The following SLC1A3 variants were observed in gnomAD, a reference collection of about 807,000 sequenced individuals.
SLC1A3 encodes excitatory amino acid transporter 1.
In SLC1A3, 21 loss-of-function variants were observed where a neutral mutation model predicts 48.1. The observed-to-expected ratio is 0.44, with a 90% CI of 0.31 to 0.63. SLC1A3 has a LOEUF of 0.63. Ranked by LOEUF, SLC1A3 falls within the 20% of genes least tolerant of loss-of-function variation. SLC1A3 has a pLI of 0.08. For synonymous variants in SLC1A3, 239 were observed against 251.4 expected (o/e 0.95, Z 0.47); for missense variants, 546 against 689.0 (o/e 0.79, Z 2.32).
chr5:36,644,014 AAAATAAATAAAT>A (rs57649957), intron 3 of SLC1A3, among the ~76,000 whole-genome samples: 30,046 of 101,462 alleles, frequency 0.3, 3,754 homozygotes, highest in Non-Finnish European at 0.44. Flanking sequence ...TCCGTCTCAA[AAAATAAATAAAT>A]AAATAAATAA....
chr5:36,670,903 T>C lies in SLC1A3; in HGVS notation c.320-126T>C, dbSNP rs962686. The C allele has an allele frequency of 0.049, 40,956 of 835,948 alleles. 1,293 individuals are homozygous for C. Among genetic ancestry groups the C allele is most frequent in the Middle Eastern group, 0.075 (235 of 3,126 alleles). The allele number at this position is 835,948 out of a possible 1,614,324, so 51.8% of individuals were successfully genotyped here. A position where few individuals can be genotyped will look rare whatever the true frequency, so the allele number is the denominator to read the frequency against. ...GATTTGGGGCCAGGTTCTCACAACATGTACGAAATCCCATGGCTGGGTGGG... is the reference window on the plus strand; with the variant it reads ...GATTTGGGGCCAGGTTCTCACAACACGTACGAAATCCCATGGCTGGGTGGG... On this transcript the variant is annotated intron_variant, in intron 3 of 9. Coordinates refer to ENST00000265113, the MANE Select transcript of SLC1A3 (RefSeq NM_004172.5).
At chr5:36,675,630 T>G (rs892899017) in intron 5 of SLC1A3, among the ~76,000 whole-genome samples, 1 of 152,188 alleles carries the variant, frequency 6.6e-6, no homozygotes, top group African/African-American at 2.4e-5. Flanking sequence ...TGATCAGGAT[T>G]GAAAATCTGC....
At chr5:36,629,344 A>G (rs932060096) in intron 2 of SLC1A3, 106 bp from the exon 3 acceptor site, 16 of 993,784 alleles carry the variant, frequency 1.6e-5, no homozygotes, top group Non-Finnish European at 1.4e-5. Flanking sequence ...TGCTGCTTAA[A>G]TAAATACAAC....
chr5:36,653,907 G>A (rs976072888), intron 3 of SLC1A3, among the ~76,000 whole-genome samples: 13 of 152,316 alleles, frequency 8.5e-5, no homozygotes, highest in African/African-American at 2.4e-4. Flanking sequence ...GCAGTGGTGC[G>A]ATCTTGGCTC....
At chr5:36,684,171 C>A (rs185245654) in intron 9 of SLC1A3, among the ~76,000 whole-genome samples, 173 bp downstream of exon 9, 3 of 152,346 alleles carry the variant, frequency 2.0e-5, no homozygotes, top group African/African-American at 4.8e-5. Flanking sequence ...GGAGACCGAG[C>A]CCCAGATGCC....
intron 2 of SLC1A3, chr5:36,609,213 A>G (rs1739095341): frequency 4.1e-6 from 4 of 975,602 alleles, no homozygotes; most frequent in Non-Finnish European, 4.9e-6. Context: ...TTTTTGAATC[A>G]TTTCCATCTC....
upstream of SLC1A3, among the ~76,000 whole-genome samples, chr5:36,602,328 C>G (rs753689090): frequency 1.3e-5 from 2 of 152,044 alleles, no homozygotes; most frequent in Admixed American, 1.3e-4. Context: ...TCTACAGGAC[C>G]AGTAATAATA....
At chr5:36,661,968 G>A (rs1346675807) in intron 3 of SLC1A3, among the ~76,000 whole-genome samples, 1 of 152,192 alleles carries the variant, frequency 6.6e-6, no homozygotes, top group East Asian at 1.9e-4. Context: ...CATGCGGGAA[G>A]GTCTTTTCGC....
Position 36,608,432 on chromosome 5 carries a change from A to C in SLC1A3, c.9A>C (p.Lys3Asn), listed in dbSNP as rs188661253. 1.9e-6 allele frequency: 3 copies of C among 1,614,022 alleles called. No individual in the cohort carries two copies. MT[K>N]SNGEEPKMGG... ...TCCTAGAAAAGTAAAATATGACTAAAAGCAATGGAGAAGAGCCCAAGATGG... is the reference window on the plus strand; with the variant it reads ...TCCTAGAAAAGTAAAATATGACTAACAGCAATGGAGAAGAGCCCAAGATGG... Residue 3 changes from lysine to asparagine, a missense_variant, in exon 2 of 10, where the codon AAA becomes AAC. Physicochemically the swap from Lys to Asn is moderately conservative, Grantham distance 94. Around this residue, in one of 3 missense-constraint regions of SLC1A3, gnomAD observed 348 missense variants for 392.0 expected, o/e 0.89. Transcript: ENST00000265113.
chr5:36,620,441 A>T (rs111495353), intron 2 of SLC1A3, among the ~76,000 whole-genome samples: 100 of 152,332 alleles, frequency 6.6e-4, no homozygotes, highest in African/African-American at 2.3e-3. Flanking sequence ...GAGCAAAATC[A>T]CATGGTTTTG....
At chr5:36,637,983 A>G (rs11750072) in intron 3 of SLC1A3, among the ~76,000 whole-genome samples, 129 of 151,962 alleles carry the variant, frequency 8.5e-4, no homozygotes, top group Admixed American at 2.0e-3. Context: ...GTTGAAAACT[A>G]CCACTTTACA....
At chr5:36,652,737 TC>T (rs1741133922) in intron 3 of SLC1A3, among the ~76,000 whole-genome samples, 1 of 152,186 alleles carries the variant, frequency 6.6e-6, no homozygotes, top group African/African-American at 2.4e-5. Flanking sequence ...CCCATAGTGA[TC>T]CCCAGATGTA....
At chr5:36,663,504 G>C (rs987943238) in intron 3 of SLC1A3, among the ~76,000 whole-genome samples, 1 of 149,314 alleles carries the variant, frequency 6.7e-6, no homozygotes, top group Non-Finnish European at 1.5e-5. Flanking sequence ...GCCTCCCAAA[G>C]TACTGGGATT....
At chr5:36,621,771 G>A (rs1337150056) in intron 2 of SLC1A3, among the ~76,000 whole-genome samples, 1 of 152,180 alleles carries the variant, frequency 6.6e-6, no homozygotes, top group East Asian at 1.9e-4. Flanking sequence ...GAAGCAGCCT[G>A]GTAAGGAGGC....
chr5:36,680,404 C>G lies in SLC1A3; in HGVS notation c.1104C>G (p.Thr368=). 6.2e-7 allele frequency: 1 copy of G among 1,614,094 alleles called. No homozygotes were observed. Among genetic ancestry groups the G allele is most frequent in the African/African-American group, 1.3e-5 (1 of 75,044 alleles). The change falls in exon 8 of 10, where the codon ACC becomes ACG. Residue 368 remains threonine (T), a synonymous_variant. Transcript: ENST00000265113. ...TALGTSSSSA[T]LPITFKCLEE... ...ATTTCACTGTTCTCAGTTCTGCCAC[C>G]CTACCCATCACCTTCAAGTGCCTGG...
At chr5:36,678,332 T>A (rs1289199199) in intron 6 of SLC1A3, among the ~76,000 whole-genome samples, 1 of 152,212 alleles carries the variant, frequency 6.6e-6, no homozygotes, top group Non-Finnish European at 1.5e-5. Flanking sequence ...GAAGGCTCCT[T>A]TGAAACCCTG....
chr5:36,597,333 G>A (rs1055701308), intron 1 of SLC1A3, among the ~76,000 whole-genome samples: 1 of 124,416 alleles, frequency 8.0e-6, no homozygotes, highest in Non-Finnish European at 1.6e-5. Flanking sequence ...TGCAAGCTCC[G>A]CCTCCCGGGT....
At chr5:36,662,959 T>A (rs559911668) in intron 3 of SLC1A3, among the ~76,000 whole-genome samples, 6 of 152,352 alleles carry the variant, frequency 3.9e-5, no homozygotes, top group African/African-American at 1.2e-4. Flanking sequence ...TTCTTTGATG[T>A]TAGAAGTAGC....
At chr5:36,676,828 T>C (rs2111956471) in intron 5 of SLC1A3, 64 bp from the exon 6 acceptor site, 1 of 1,280,004 alleles carries the variant, frequency 7.8e-7, no homozygotes, top group East Asian at 2.5e-5. Flanking sequence ...AATTTGACAA[T>C]AGGAAAATAT....
Sources: gnomAD v4.1 joint callset for allele counts (sites outside exome capture counted in the v4.1 genomes callset) on GRCh38, gnomAD v4.1.1 for gene constraint, gnomAD v4.1.1 regional missense constraint, MANE v1.5 for transcripts, NCBI Gene and HGNC (gene_info 2026-07-23, HGNC 2026-07-21) for gene names.